NPAS2: variants seen among roughly 807,000 people sequenced by gnomAD.
NPAS2 encodes neuronal PAS domain protein 2, also known as neuronal PAS domain-containing protein 2.
In NPAS2, 23 loss-of-function variants were observed where a neutral mutation model predicts 107.5. The observed-to-expected ratio is 0.21, with a 90% CI of 0.15 to 0.30. The LOEUF is 0.30. Ranked by LOEUF, NPAS2 falls within the 10% of genes least tolerant of loss-of-function variation. NPAS2 has a pLI of 1.00. For missense variants in NPAS2, 756 were observed against 1,043.3 expected (o/e 0.72, Z 3.79); for synonymous variants, 403 against 417.5 (o/e 0.97, Z 0.42).
chr2:100,977,723 C>T lies in NPAS2; in HGVS notation c.1406C>T (p.Ser469Phe). The T allele has an allele frequency of 6.2e-7, 1 of 1,614,186 alleles. No homozygotes were observed. Among genetic ancestry groups the T allele is most frequent in the South Asian group, 1.1e-5 (1 of 91,082 alleles). ...QAATMPAPLP[S>F]PSSCDLTQQL... Reference sequence around the variant, plus strand: ...TCTCTCCCACAGGCCCCTCTGCCTTCCCCATCGTCCTGCGACCTCACACAG... The same window carrying T: ...TCTCTCCCACAGGCCCCTCTGCCTTTCCCATCGTCCTGCGACCTCACACAG... Residue 469 changes from serine (S) to phenylalanine (F), a missense_variant, in exon 15 of 21, where the codon TCC (serine) becomes TTC (phenylalanine). Coordinates refer to ENST00000335681, the MANE Select transcript of NPAS2 (RefSeq NM_002518.4).
chr2:100,886,526 T>TA (rs1420481932), intron 1 of NPAS2, among the ~76,000 whole-genome samples: 1 of 152,174 alleles, frequency 6.6e-6, no homozygotes, highest in African/African-American at 2.4e-5. Context: ...AGCTAACAAT[T>TA]CATTGAGTTT....
rs572698134 is a variant in NPAS2, at chr2:100,824,907, G to A, written c.-23+4493G>A. Among the ~76,000 whole-genome samples, 110 of 152,336 alleles carry A rather than the reference G, an allele frequency of 7.2e-4. 1 individual carries two copies. Among genetic ancestry groups the A allele is most frequent in the East Asian group, 1.9e-3 (10 of 5,190 alleles). On this transcript the variant is annotated intron_variant, in intron 1 of 20. Coordinates refer to ENST00000335681, the MANE Select transcript of NPAS2 (RefSeq NM_002518.4). Reference sequence around the variant, plus strand: ...TGATGTTTAGGGGGAAGGAAAAGCAGAGGAACCCCCTGGAGCCAAGGCAGG... The same window carrying A: ...TGATGTTTAGGGGGAAGGAAAAGCAAAGGAACCCCCTGGAGCCAAGGCAGG...
chr2:100,828,033 C>G (rs976032749), intron 1 of NPAS2, among the ~76,000 whole-genome samples: 1 of 152,156 alleles, frequency 6.6e-6, no homozygotes, highest in Admixed American at 6.5e-5. Context: ...ACATTCCAGT[C>G]AACAGTGCAT....
Position 100,957,333 on chromosome 2 carries a change from C to G in NPAS2, c.599-6725C>G, listed in dbSNP as rs146995804. 1.7e-3 allele frequency among the ~76,000 whole-genome samples: 256 copies of G among 152,344 alleles called. 2 individuals carry two copies. Among genetic ancestry groups the G allele is most frequent in the African/African-American group, 6.0e-3 (249 of 41,588 alleles). ...CTTCCCCTGAAAAGCCCACGCTGGA[C>G]CTGGCCAGCCAGCAGCACTGGCATG... On this transcript the variant is annotated intron_variant, in intron 7 of 20. Transcript: ENST00000335681.
rs183659543 is a variant in NPAS2 at position 100,981,802 on chromosome 2, G to A, written c.1483-429G>A. ...CCAAAAATGCCTGTGAAGCTGTCACGTACAAACTGCTATGCCCTAAATGAG... is the reference window on the plus strand; with the variant it reads ...CCAAAAATGCCTGTGAAGCTGTCACATACAAACTGCTATGCCCTAAATGAG... On this transcript the variant is annotated intron_variant, in intron 15 of 20. Transcript: ENST00000335681. Among the ~76,000 whole-genome samples the A allele has an allele frequency of 1.9e-3, 283 of 152,258 alleles. 2 individuals are homozygous for A. Among genetic ancestry groups the A allele is most frequent in the African/African-American group, 6.5e-3 (269 of 41,548 alleles).
intron 20 of NPAS2, 126 bp downstream of exon 20, chr2:100,993,653 GC>G: frequency 1.5e-6 from 1 of 684,682 alleles, no homozygotes; most frequent in Non-Finnish European, 2.3e-6. Context: ...ATAGAAGTAA[GC>G]CCCAGAAAGA....
chr2:100,954,673 AAAAAAAAG>A (rs1335893107), intron 7 of NPAS2, among the ~76,000 whole-genome samples: 32 of 123,630 alleles, frequency 2.6e-4, no homozygotes, highest in Middle Eastern at 3.7e-3. Context: ...TCAAAAAAAA[AAAAAAAAG>A]AAAAAAAAGA....
At chr2:100,952,228 G>A (rs929240081) in intron 7 of NPAS2, among the ~76,000 whole-genome samples, 5 of 151,212 alleles carry the variant, frequency 3.3e-5, no homozygotes, top group African/African-American at 9.7e-5. Context: ...CAGTGGCCTC[G>A]TGCACAGAGG....
chr2:100,909,589 G>A (rs1330389110), intron 2 of NPAS2, among the ~76,000 whole-genome samples: 1 of 152,240 alleles, frequency 6.6e-6, no homozygotes, highest in Non-Finnish European at 1.5e-5. Flanking sequence ...GCATTGGACA[G>A]TGGGCTGATG....
intron 1 of NPAS2, among the ~76,000 whole-genome samples, chr2:100,867,374 G>C (rs1488384628): frequency 1.3e-5 from 2 of 152,096 alleles, no homozygotes; most frequent in Non-Finnish European, 2.9e-5. Context: ...TGTAAGTTTA[G>C]GATTATCTTC....
chr2:100,934,314 C>T (rs1456693190), intron 4 of NPAS2, among the ~76,000 whole-genome samples: 4 of 147,336 alleles, frequency 2.7e-5, no homozygotes, highest in Admixed American at 1.4e-4. Flanking sequence ...GTAGCACAAC[C>T]TTTTTTTTTT....
chr2:100,920,540 T>A (rs1245691516), intron 2 of NPAS2, among the ~76,000 whole-genome samples: 2 of 152,094 alleles, frequency 1.3e-5, no homozygotes, highest in Non-Finnish European at 2.9e-5. Flanking sequence ...TCCCCTACTA[T>A]GTGTATCCAG....
intron 1 of NPAS2, among the ~76,000 whole-genome samples, chr2:100,888,397 C>T (rs759688172): frequency 3.9e-5 from 6 of 151,900 alleles, no homozygotes; most frequent in Non-Finnish European, 8.8e-5. Context: ...GAGGAAGATG[C>T]GCTAGTAGGG....
intron 1 of NPAS2, among the ~76,000 whole-genome samples, chr2:100,852,706 G>T (rs1678280957): frequency 6.6e-6 from 1 of 152,114 alleles, no homozygotes; most frequent in Non-Finnish European, 1.5e-5. Flanking sequence ...CATTGCAAGA[G>T]AGATGGGAGG....
At chr2:100,899,031 CGAACTGAA>C (rs1052521981) in intron 1 of NPAS2, among the ~76,000 whole-genome samples, 3 of 151,934 alleles carry the variant, frequency 2.0e-5, no homozygotes, top group African/African-American at 7.3e-5. Context: ...CAGACAAACC[CGAACTGAA>C]GAACATTCTA....
chr2:100,864,515 A>G (rs577658089), intron 1 of NPAS2, among the ~76,000 whole-genome samples: 1 of 152,304 alleles, frequency 6.6e-6, no homozygotes, highest in Non-Finnish European at 1.5e-5. Context: ...TTACCTTGGG[A>G]CACGTGGGAA....
intron 1 of NPAS2, among the ~76,000 whole-genome samples, chr2:100,839,549 G>T (rs1677267280): frequency 6.6e-6 from 1 of 151,894 alleles, no homozygotes; most frequent in African/African-American, 2.4e-5. Flanking sequence ...AAGAATATGG[G>T]GTATGATATA....
chr2:100,914,058 G>A (rs1682716979), intron 2 of NPAS2, among the ~76,000 whole-genome samples: 1 of 152,116 alleles, frequency 6.6e-6, no homozygotes. Flanking sequence ...AAGAAGGAGG[G>A]GAGAGAAGCA....
chr2:100,858,278 AAAGAAAG>A (rs1310644189), intron 1 of NPAS2, among the ~76,000 whole-genome samples: 1 of 152,220 alleles, frequency 6.6e-6, no homozygotes, highest in Non-Finnish European at 1.5e-5. Context: ...AGACGTAGAG[AAAGAAAG>A]TGATTTGCCA....
Sources: allele counts gnomAD v4.1 joint callset (sites outside exome capture counted in the v4.1 genomes callset), GRCh38; gene constraint gnomAD v4.1.1; transcripts MANE v1.5; gene names NCBI Gene and HGNC (gene_info 2026-07-23, HGNC 2026-07-21).